Variants in C8orf74 observed in about 807,000 individuals in gnomAD.
C8orf74 encodes the protein chromosome 8 open reading frame 74, also known as uncharacterized protein C8orf74.
Under a neutral mutation model 22.2 loss-of-function variants are expected in C8orf74, and 29 were observed. The ratio of observed to expected loss-of-function variants is 1.31; its 90% CI spans 0.97 to 1.78. The LOEUF is 1.78. Among genes scored for constraint, C8orf74 ranks in the 40% most tolerant of loss-of-function variants. The pLI is 0.00. For synonymous variants in C8orf74, 255 were observed against 163.1 expected, an observed-to-expected ratio of 1.56 and a Z score of -4.30; for missense variants, 515 against 369.9, an observed-to-expected ratio of 1.39 and a Z score of -3.22.
In C8orf74 at chr8:10,674,627, C is replaced by G. The variant is rs776844704; in HGVS notation, c.49-19C>G. On this transcript the variant is annotated intron_variant, in intron 1 of 3. Transcript: ENST00000304519. ...AACCCCCACATCATACCCTGCAGTT[C>G]CCATGTCATTCCCTGCAGAGACCAC... 6 of 1,591,462 alleles carry G rather than the reference C, an allele frequency of 3.8e-6. No individual in the cohort carries two copies. The highest frequency in any genetic ancestry group is 1.7e-4 in the Middle Eastern group (1 of 5,916).
chr8:10,697,303 C>A (rs1377674409), intron 2 of C8orf74, among the ~76,000 whole-genome samples: 1 of 152,046 alleles, frequency 6.6e-6, no homozygotes, highest in Non-Finnish European at 1.5e-5. Context: ...GGTTTGGTAG[C>A]ATGTACCTGT....
chr8:10,686,960 C>T (rs769532186), intron 2 of C8orf74: 52 of 373,132 alleles, frequency 1.4e-4, no homozygotes, highest in Non-Finnish European at 2.2e-4. Context: ...GCCCCGTGCC[C>T]GCCCATCCCA....
rs1003803830 is a variant in C8orf74 at position 10,680,523 on chromosome 8, G to C, written c.241+5685G>C. On this transcript the variant is annotated intron_variant, in intron 2 of 3. Transcript: ENST00000304519. ...GAAGGTGCCACCCTCTGCAGCCATGGTTCAGGGCAAGAAGGAGCTGCACGC... is the reference window on the plus strand; with the variant it reads ...GAAGGTGCCACCCTCTGCAGCCATGCTTCAGGGCAAGAAGGAGCTGCACGC... Among the ~76,000 whole-genome samples the C allele has an allele frequency of 5.3e-5, 8 of 152,202 alleles. No individual in the cohort carries two copies. In the South Asian group the frequency reaches 8.3e-4, roughly 16 times the overall value.
At chr8:10,694,415 G>C (rs113874832) in intron 2 of C8orf74, among the ~76,000 whole-genome samples, 3 of 152,118 alleles carry the variant, frequency 2.0e-5, no homozygotes, top group African/African-American at 7.2e-5. Flanking sequence ...CTGGGAGAAA[G>C]ATCCGTTCCT....
rs374988450 is a variant in C8orf74, at chr8:10,672,687, G to C, written c.22G>C (p.Gly8Arg). 6 of 1,565,992 alleles carry C rather than the reference G, an allele frequency of 3.8e-6. No individual in the cohort carries two copies. The East Asian group carries it at 1.4e-4, about 37-fold the overall frequency. Reference sequence around the variant, plus strand: ...GGCCATGGCACTCTTAACACCCCAGGGAGTGAAAGAAGTCTTCCAACTTCA... The same window carrying C: ...GGCCATGGCACTCTTAACACCCCAGCGAGTGAAAGAAGTCTTCCAACTTCA... Reference protein sequence around the residue: MALLTPQGVKEVFQLQRP... With the variant: MALLTPQRVKEVFQLQRP... The change falls in exon 1 of 4, where the codon GGA (glycine) becomes CGA (arginine). Residue 8 changes from glycine (G) to arginine (R), a missense_variant. Coordinates refer to ENST00000304519, the MANE Select transcript of C8orf74 (RefSeq NM_001040032.2).
intron 2 of C8orf74, among the ~76,000 whole-genome samples, chr8:10,696,131 C>A (rs1275291456): frequency 2.6e-5 from 4 of 151,914 alleles, no homozygotes; most frequent in African/African-American, 9.7e-5. Context: ...CAGTCACGAC[C>A]CTTCATGAAC....
At chr8:10,689,278 C>G (rs1799325058) in intron 2 of C8orf74, 1 of 152,214 alleles carries the variant, frequency 6.6e-6, no homozygotes, top group African/African-American at 2.4e-5. Flanking sequence ...TTTTCTGGGC[C>G]TCAGTTTCCC....
intron 2 of C8orf74, among the ~76,000 whole-genome samples, chr8:10,677,245 C>A (rs978997025): frequency 1.3e-5 from 2 of 152,212 alleles, no homozygotes; most frequent in African/African-American, 2.4e-5. Flanking sequence ...TAGCCTACAG[C>A]TGCCTTCCGC....
chr8:10,681,282 C>A (rs1044828328), intron 2 of C8orf74, among the ~76,000 whole-genome samples: 3 of 152,152 alleles, frequency 2.0e-5, no homozygotes, highest in Non-Finnish European at 2.9e-5. Flanking sequence ...TTTCCTTGTG[C>A]CTTCTTGGCC....
Position 10,700,400 on chromosome 8 carries a change from C to G in C8orf74, c.814C>G (p.His272Asp). ...PTPIPPPITS[H>D]AGQEEALKPQ... ...CCCTATCCCGCCCCCCATCACCAGC[C>G]ACGCAGGCCAGGAGGAAGCCCTGAA... is the stretch of plus-strand genomic sequence containing the variant. Residue 272 changes from histidine to aspartate, a missense_variant, in exon 4 of 4, where the codon CAC becomes GAC. Coordinates refer to ENST00000304519, the MANE Select transcript of C8orf74 (RefSeq NM_001040032.2). The G allele has an allele frequency of 1.2e-6, 2 of 1,612,708 alleles. No individual in the cohort carries two copies. The highest frequency in any genetic ancestry group is 1.3e-5 in the African/African-American group (1 of 74,884).
rs1228505243 is a variant in C8orf74 at position 10,697,841 on chromosome 8, T to C, written c.484T>C (p.Trp162Arg). Residue 162 changes from tryptophan to arginine, a missense_variant, in exon 3 of 4, where the codon TGG (tryptophan) becomes CGG (arginine). Trp to Arg is a moderately radical substitution (Grantham distance 101). Transcript: ENST00000304519. ...GGCCGAGGGCATGGACAGGGACTTGTGGATCCACGAGCAGCAGGTGGCCAC... is the reference window on the plus strand; with the variant it reads ...GGCCGAGGGCATGGACAGGGACTTGCGGATCCACGAGCAGCAGGTGGCCAC... ...PLAEGMDRDL[W>R]IHEQQVATLT... 6.2e-7 allele frequency: 1 copy of C among 1,613,700 alleles called. No homozygotes were observed. Among genetic ancestry groups the C allele is most frequent in the Non-Finnish European group, 8.5e-7 (1 of 1,179,738 alleles).
At chr8:10,691,747 C>G (rs1345803435) in intron 2 of C8orf74, 1 of 152,294 alleles carries the variant, frequency 6.6e-6, no homozygotes, top group African/African-American at 2.4e-5. Flanking sequence ...GTTCTTAACC[C>G]CAAGGAATTT....
chr8:10,684,510 A>G (rs1195938008), intron 2 of C8orf74, among the ~76,000 whole-genome samples: 1 of 152,250 alleles, frequency 6.6e-6, no homozygotes, highest in Non-Finnish European at 1.5e-5. Context: ...CTTTAAAAGA[A>G]CAATGAAATA....
chr8:10,697,644 G>C lies in C8orf74; in HGVS notation c.287G>C (p.Arg96Thr). Residue 96 changes from arginine to threonine, a missense_variant, in exon 3 of 4, where the codon AGA becomes ACA. Transcript: ENST00000304519. ...EAVTILGNKL[R>T]DYRGHFNTTH... ...GTGACGATCCTGGGGAACAAGCTTAGAGATTACCGGGGCCATTTCAACACC... is the reference window on the plus strand; with the variant it reads ...GTGACGATCCTGGGGAACAAGCTTACAGATTACCGGGGCCATTTCAACACC... 5.0e-6 allele frequency: 8 copies of C among 1,613,958 alleles called. No homozygotes were observed. Among genetic ancestry groups the C allele is most frequent in the Non-Finnish European group, 6.8e-6 (8 of 1,179,880 alleles).
chr8:10,676,056 A>T (rs1224905156), intron 2 of C8orf74, among the ~76,000 whole-genome samples: 1 of 152,136 alleles, frequency 6.6e-6, no homozygotes, highest in Admixed American at 6.6e-5. Context: ...ATACACGTGA[A>T]AGGATGCTTC....
chr8:10,678,601 A>G (rs1399658835), intron 2 of C8orf74, among the ~76,000 whole-genome samples: 1 of 152,074 alleles, frequency 6.6e-6, no homozygotes, highest in East Asian at 1.9e-4. Context: ...TTAAAAAAAA[A>G]AAAAAAAAAA....
chr8:10,697,777 C>G lies in C8orf74; in HGVS notation c.420C>G (p.Ala140=), dbSNP rs756850903. The G allele has an allele frequency of 6.2e-7, 1 of 1,614,052 alleles. No homozygotes were observed. Among genetic ancestry groups the G allele is most frequent in the Non-Finnish European group, 8.5e-7 (1 of 1,179,900 alleles). The change falls in exon 3 of 4, where the codon GCC becomes GCG. Residue 140 remains alanine, a synonymous_variant. Transcript: ENST00000304519. ...ACCAGCAGGTCGACCTGACCGTTGC[C>G]CACCTGGAGGTGTGCATGCCACCCC... is the stretch of plus-strand genomic sequence containing the variant. ...GQDQQVDLTV[A]HLEVCMPPHP...
At chr8:10,687,615 CAA>C (rs374455264) in intron 2 of C8orf74, among the ~76,000 whole-genome samples, 6 of 53,076 alleles carry the variant, frequency 1.1e-4, no homozygotes, top group African/African-American at 1.3e-4. Flanking sequence ...GACTCCATCT[CAA>C]AAAAAAAAAA....
At chr8:10,695,965 G>A (rs1278021889) in intron 2 of C8orf74, among the ~76,000 whole-genome samples, 2 of 152,192 alleles carry the variant, frequency 1.3e-5, no homozygotes, top group African/African-American at 4.8e-5. Flanking sequence ...GAGTCACAGA[G>A]CAGAAGAGGC....
Sources: allele counts gnomAD v4.1 joint callset (sites outside exome capture counted in the v4.1 genomes callset), GRCh38; gene constraint gnomAD v4.1.1; transcripts MANE v1.5; gene names NCBI Gene and HGNC (gene_info 2026-07-23, HGNC 2026-07-21).